The following PCYOX1L variants were observed in gnomAD, a reference collection of about 807,000 sequenced individuals.
PCYOX1L encodes the protein prenylcysteine oxidase 1-like.
Under a neutral mutation model 44.1 loss-of-function variants are expected in PCYOX1L, and 40 were observed. That is an observed-to-expected ratio of 0.91 (90% CI 0.70 to 1.18). The LOEUF is 1.18. PCYOX1L is among the 50% of genes most tolerant of loss of function. The pLI is 0.00. For synonymous variants in PCYOX1L, 266 were observed against 282.8 expected (o/e 0.94, Z 0.60); for missense variants, 605 against 653.3 (o/e 0.93, Z 0.81).
rs542861911 is a variant in PCYOX1L at position 149,360,667 on chromosome 5, G to A, written c.89-1970G>A. Among the ~76,000 whole-genome samples, 10 of 152,286 alleles carry A rather than the reference G, an allele frequency of 6.6e-5. No individual in the cohort carries two copies. The South Asian group carries it at 2.1e-3, about 32-fold the overall frequency. ...GGTGGGTCAGTCAAGCCAAGTTATA[G>A]GTGACATCTGAGGGCTGTTGAAGCC... On this transcript the variant is annotated intron_variant, in intron 1 of 5. Coordinates refer to ENST00000274569, the MANE Select transcript of PCYOX1L (RefSeq NM_024028.4).
intron 5 of PCYOX1L, 78 bp from the exon 6 acceptor site, chr5:149,367,915 C>A: frequency 6.9e-7 from 1 of 1,451,140 alleles, no homozygotes; most frequent in African/African-American, 1.4e-5. Context: ...CTCGTTGTAC[C>A]TCAATGCTGG....
chr5:149,364,284 G>A, intron 3 of PCYOX1L, 74 bp downstream of exon 3: 1 of 1,557,320 alleles, frequency 6.4e-7, no homozygotes, highest in Non-Finnish European at 8.7e-7. Context: ...CAGCTTGCCT[G>A]TACTTTGTGA....
In PCYOX1L at chr5:149,368,349, T is replaced by G; in HGVS notation, c.1180T>G (p.Trp394Gly). 1 of 1,614,198 alleles carries G rather than the reference T, an allele frequency of 6.2e-7. No homozygotes were observed. Among genetic ancestry groups the G allele is most frequent in the Middle Eastern group, 1.6e-4 (1 of 6,062 alleles). Residue 394 changes from tryptophan (W) to glycine (G), a missense_variant, in exon 6 of 6, where the codon TGG becomes GGG. Transcript: ENST00000274569. ...RRKQPQEAAV[W>G]RVQSPKPLFR... Reference sequence around the variant, plus strand: ...AAAGCAGCCCCAGGAGGCAGCTGTTTGGCGAGTCCAGTCCCCCAAGCCCCT... The same window carrying G: ...AAAGCAGCCCCAGGAGGCAGCTGTTGGGCGAGTCCAGTCCCCCAAGCCCCT...
At chr5:149,367,253 A>T in intron 4 of PCYOX1L, 107 bp from the exon 5 acceptor site, 1 of 1,375,284 alleles carries the variant, frequency 7.3e-7, no homozygotes, top group Non-Finnish European at 9.8e-7. Context: ...CATGGTTGGG[A>T]GAGTTTTGCT....
rs1020336788 is a variant in PCYOX1L at position 149,368,896 on chromosome 5, A to AT, written c.*250dup. 6.0e-4 allele frequency: 220 copies of AT among 368,680 alleles called. No individual in the cohort carries two copies. Among genetic ancestry groups the AT allele is most frequent in the African/African-American group, 3.9e-3 (186 of 47,950 alleles). 22.8% of individuals were successfully genotyped at this position (368,680 alleles called of 1,614,324 possible). ...CCAAGCCAGTATATTTGTTTTATTT[A>AT]TTTTTTTTAAGAAGAAAAAAGTTCA... On this transcript the variant is annotated 3_prime_UTR_variant, in exon 6 of 6. Transcript: ENST00000274569.
intron 3 of PCYOX1L, 65 bp downstream of exon 3, chr5:149,364,275 A>G (rs760939642): frequency 5.7e-6 from 9 of 1,588,602 alleles, no homozygotes; most frequent in African/African-American, 1.3e-5. Flanking sequence ...GGGAGGAACC[A>G]GCTTGCCTGT....
chr5:149,358,756 C>G (rs181500782), intron 1 of PCYOX1L, among the ~76,000 whole-genome samples: 125 of 152,338 alleles, frequency 8.2e-4, no homozygotes, highest in Non-Finnish European at 9.0e-4. Context: ...GCTGACAGAA[C>G]GGGGAACTTT....
chr5:149,368,093 C>T lies in PCYOX1L; in HGVS notation c.924C>T (p.Asn308=), dbSNP rs769071728. ...VVIATPLHLD[N]SSSNLTFAGF... is the part of the protein sequence containing the mutation. ...TCGCCACCCCCCTGCACCTGGACAA[C>T]AGCAGCAGCAACTTAACCTTTGCAG... Residue 308 remains asparagine, a synonymous_variant, in exon 6 of 6, where the codon AAC becomes AAT. Transcript: ENST00000274569. 1.2e-6 allele frequency: 2 copies of T among 1,611,720 alleles called. No individual in the cohort carries two copies. Among genetic ancestry groups the T allele is most frequent in the South Asian group, 1.1e-5 (1 of 90,612 alleles).
At chr5:149,359,756 G>A (rs1005139203) in intron 1 of PCYOX1L, among the ~76,000 whole-genome samples, 1 of 152,214 alleles carries the variant, frequency 6.6e-6, no homozygotes, top group Non-Finnish European at 1.5e-5. Context: ...AGGACACTTG[G>A]CAATGCCTCA....
rs762872729 is a variant in PCYOX1L at position 149,368,359 on chromosome 5, A to G, written c.1190A>G (p.Gln397Arg). 1.1e-5 allele frequency: 17 copies of G among 1,614,062 alleles called. No individual in the cohort carries two copies. Among genetic ancestry groups the G allele is most frequent in the African/African-American group, 2.7e-5 (2 of 74,932 alleles). Residue 397 changes from glutamine (Q) to arginine (R), a missense_variant, in exon 6 of 6, where the codon CAG (glutamine) becomes CGG (arginine). Physicochemically the swap from Gln to Arg is conservative, Grantham distance 43 (BLOSUM62 1). Coordinates refer to ENST00000274569, the MANE Select transcript of PCYOX1L (RefSeq NM_024028.4). Reference protein sequence around the residue: ...QPQEAAVWRVQSPKPLFRTQL... With the variant: ...QPQEAAVWRVRSPKPLFRTQL... ...CAGGAGGCAGCTGTTTGGCGAGTCC[A>G]GTCCCCCAAGCCCCTCTTTCGGACC...
rs1432434578 is a variant in PCYOX1L at position 149,369,472 on chromosome 5, A to G, written c.*818A>G. 6.6e-6 allele frequency: 1 copy of G among 152,202 alleles called. No homozygotes were observed. The highest frequency in any genetic ancestry group is 6.5e-5 in the Admixed American group (1 of 15,290). The allele number at this position is 152,202 out of a possible 1,614,324, so 9.4% of individuals were successfully genotyped here. A position where few individuals can be genotyped will look rare whatever the true frequency, so the allele number is the denominator to read the frequency against. ...TAGAGAGCAGTCATATCTTACCCCT[A>G]GATGTTCATCCCAGCAGAAGAAAGA... On this transcript the variant is annotated 3_prime_UTR_variant, in exon 6 of 6. Coordinates refer to ENST00000274569, the MANE Select transcript of PCYOX1L (RefSeq NM_024028.4).
intron 5 of PCYOX1L, 67 bp downstream of exon 5, chr5:149,367,567 C>T: frequency 6.3e-7 from 1 of 1,587,258 alleles, no homozygotes; most frequent in South Asian, 1.1e-5. Flanking sequence ...CTTCTGCCTC[C>T]TTTGTACCTC....
chr5:149,366,221 G>A, intron 4 of PCYOX1L, 68 bp downstream of exon 4: 1 of 1,524,278 alleles, frequency 6.6e-7, no homozygotes, highest in Non-Finnish European at 8.9e-7. Flanking sequence ...ATGGGCTGGG[G>A]GTCCCCATAA....
chr5:149,360,364 A>G (rs1025133226), intron 1 of PCYOX1L, among the ~76,000 whole-genome samples: 12 of 152,226 alleles, frequency 7.9e-5, no homozygotes, highest in Admixed American at 7.2e-4. Context: ...TTTCTCTGGA[A>G]AAATGGGTAA....
intron 5 of PCYOX1L, 87 bp downstream of exon 5, chr5:149,367,587 C>T: frequency 6.5e-7 from 1 of 1,549,012 alleles, no homozygotes; most frequent in Non-Finnish European, 8.7e-7. Flanking sequence ...CAGCCCTGGT[C>T]TGTGATCCCC....
chr5:149,367,812 C>T (rs1049127744), intron 5 of PCYOX1L, among the ~76,000 whole-genome samples, 181 bp from the exon 6 acceptor site: 7 of 152,206 alleles, frequency 4.6e-5, no homozygotes, highest in Non-Finnish European at 7.3e-5. Flanking sequence ...AGTCTCCTGA[C>T]TCCATGCCCC....
Position 149,364,081 on chromosome 5 carries a change from GC to G in PCYOX1L, c.342del (p.Glu116SerfsTer13). The G allele has an allele frequency of 6.2e-7, 1 of 1,614,108 alleles. No homozygotes were observed. On this transcript the variant is annotated frameshift_variant, in exon 3 of 6. Coordinates refer to ENST00000274569, the MANE Select transcript of PCYOX1L (RefSeq NM_024028.4). LOFTEE classifies it high-confidence loss of function. ...REVVGRSAIF[G>X]GEHFMLEETD... ...GTGGTGGGCAGGAGCGCCATCTTCGGCGGGGAGCACTTCATGCTGGAGGAGA... is the reference window on the plus strand; with the variant it reads ...GTGGTGGGCAGGAGCGCCATCTTCGGGGGGAGCACTTCATGCTGGAGGAGA...
rs1032895749 is a variant in PCYOX1L at position 149,367,714 on chromosome 5, C to G, written c.823+214C>G. Among the ~76,000 whole-genome samples the G allele has an allele frequency of 3.9e-5, 6 of 152,224 alleles. No homozygotes were observed. In the South Asian group the frequency reaches 8.3e-4, roughly 21 times the overall value. On this transcript the variant is annotated intron_variant, in intron 5 of 5. Coordinates refer to ENST00000274569, the MANE Select transcript of PCYOX1L (RefSeq NM_024028.4). Reference sequence around the variant, plus strand: ...AAAGCTGAGACTTCCATCGACCCAGCCTTTTTCTGTTGACCGATGAGGACT... The same window carrying G: ...AAAGCTGAGACTTCCATCGACCCAGGCTTTTTCTGTTGACCGATGAGGACT...
intron 1 of PCYOX1L, 28 bp from the exon 2 acceptor site, chr5:149,362,609 C>T: frequency 6.2e-7 from 1 of 1,612,456 alleles, no homozygotes; most frequent in South Asian, 1.1e-5. Context: ...TGTCTCTCTT[C>T]TTCCCTACCT....
Sources: gnomAD v4.1 joint callset for allele counts (sites outside exome capture counted in the v4.1 genomes callset) on GRCh38, gnomAD v4.1.1 for gene constraint, MANE v1.5 for transcripts, NCBI Gene and HGNC (gene_info 2026-07-23, HGNC 2026-07-21) for gene names.